Variants in OPHN1 observed in about 807,000 individuals in gnomAD.
OPHN1 encodes the protein oligophrenin 1.
In OPHN1, 11 loss-of-function variants were observed where a neutral mutation model predicts 60.7. The ratio of observed to expected loss-of-function variants is 0.18; its 90% CI spans 0.11 to 0.30. OPHN1 has a LOEUF of 0.30. Ranked by LOEUF, OPHN1 falls within the 10% of genes least tolerant of loss-of-function variation. OPHN1 has a pLI of 1.00. For missense variants in OPHN1, 449 were observed against 611.0 expected (o/e 0.73, Z 2.80); for synonymous variants, 226 against 222.6 (o/e 1.02, Z -0.14).
intron 19 of OPHN1, among the ~76,000 whole-genome samples, chrX:68,090,701 A>G (rs2147395310): frequency 9.0e-6 from 1 of 111,173 alleles, no homozygotes; most frequent in Non-Finnish European, 1.9e-5. Flanking sequence ...GAGTTCCCAC[A>G]AACTCCACAC....
intron 15 of OPHN1, among the ~76,000 whole-genome samples, chrX:68,148,937 T>C (rs1253504876): frequency 9.0e-6 from 1 of 111,541 alleles, no homozygotes; most frequent in African/African-American, 3.3e-5. Flanking sequence ...GAAAATAGAA[T>C]TATAATATTT....
chrX:68,183,624 A>G (rs2077448372), intron 15 of OPHN1, among the ~76,000 whole-genome samples: 1 of 112,013 alleles, frequency 8.9e-6, no homozygotes, highest in Admixed American at 9.4e-5. Flanking sequence ...TGCTGCCACT[A>G]GAGATTCAAA....
intron 15 of OPHN1, among the ~76,000 whole-genome samples, chrX:68,159,639 G>A (rs1029303523): frequency 2.7e-5 from 3 of 111,629 alleles, no homozygotes; most frequent in Non-Finnish European, 3.8e-5. Flanking sequence ...GTTACATAAC[G>A]TATTTAGACG....
intron 3 of OPHN1, among the ~76,000 whole-genome samples, chrX:68,298,188 T>G (rs1449453603): frequency 9.0e-6 from 1 of 111,600 alleles, no homozygotes; most frequent in African/African-American, 3.3e-5. Context: ...AACTTTTTCT[T>G]AAATGGCCAG....
chrX:68,253,427 G>A (rs193000595), intron 5 of OPHN1, among the ~76,000 whole-genome samples: 118 of 111,186 alleles, frequency 1.1e-3, no homozygotes, highest in Non-Finnish European at 2.1e-3. Flanking sequence ...TATCTCTGAA[G>A]AACTGGTGAT....
intron 6 of OPHN1, among the ~76,000 whole-genome samples, chrX:68,226,512 T>G (rs1479055346): frequency 2.7e-5 from 3 of 111,685 alleles, no homozygotes; most frequent in Non-Finnish European, 5.6e-5. Context: ...GGGAAGCCCA[T>G]CAGACTAACA....
intron 5 of OPHN1, among the ~76,000 whole-genome samples, chrX:68,259,469 T>A (rs2077882839): frequency 9.0e-6 from 1 of 110,874 alleles, no homozygotes; most frequent in African/African-American, 3.3e-5. Flanking sequence ...GATAATTGTT[T>A]AAGAAATCAT....
chrX:68,367,648 G>A (rs2078506429), intron 2 of OPHN1, among the ~76,000 whole-genome samples: 1 of 111,545 alleles, frequency 9.0e-6, no homozygotes, highest in African/African-American at 3.3e-5. Flanking sequence ...TATACTTCTT[G>A]ATATGGTTTG....
chrX:68,322,457 C>G (rs1306017620), intron 2 of OPHN1, among the ~76,000 whole-genome samples: 5 of 111,843 alleles, frequency 4.5e-5, no homozygotes, highest in African/African-American at 9.8e-5. Flanking sequence ...GTTAAACAAG[C>G]TATGATACAT....
At chrX:68,211,377 T>C (rs2077583901) in intron 8 of OPHN1, among the ~76,000 whole-genome samples, 1 of 112,606 alleles carries the variant, frequency 8.9e-6, no homozygotes, top group Non-Finnish European at 1.9e-5. Flanking sequence ...GCCTTGATTC[T>C]ATTATAGCAC....
Position 68,097,047 on chromosome X carries a change from G to A in OPHN1, c.1527-18C>T. ...CACACACACTGCCAGAAGAAAAGGG[G>A]CAAGATTAACAAAATTTGCTCCAGT... On this transcript the variant is annotated intron_variant, in intron 18 of 24. Coordinates refer to ENST00000355520, the MANE Select transcript of OPHN1 (RefSeq NM_002547.3). 8.3e-7 allele frequency: 1 copy of A among 1,198,432 alleles called. No homozygotes were observed. Among genetic ancestry groups the A allele is most frequent in the Admixed American group, 2.2e-5 (1 of 45,129 alleles).
rs374526027 is a variant in OPHN1, at chrX:68,426,770, C to G, written c.154+6097G>C. 1.1e-4 allele frequency among the ~76,000 whole-genome samples: 10 copies of G among 93,803 alleles called. No homozygotes were observed. In the East Asian group the frequency reaches 2.4e-3, roughly 23 times the overall value. The allele number at this position is 93,803 out of a possible 115,157, so 81.5% of individuals were successfully genotyped here. ...CTTGTAGTCCCAACTACTCAGGAGG[C>G]TGAGTCCGGAAGATCCTTTGAGCCC... is the stretch of plus-strand genomic sequence containing the variant. On this transcript the variant is annotated intron_variant, in intron 2 of 24. Transcript: ENST00000355520.
At chrX:68,047,487 A>C (rs2076836099) in intron 24 of OPHN1, among the ~76,000 whole-genome samples, 1 of 111,717 alleles carries the variant, frequency 9.0e-6, no homozygotes, top group Non-Finnish European at 1.9e-5. Context: ...TGGTCATACA[A>C]TAACTATAAA....
intron 2 of OPHN1, among the ~76,000 whole-genome samples, chrX:68,303,579 C>T (rs998471749): frequency 9.3e-6 from 1 of 107,465 alleles, no homozygotes; most frequent in Admixed American, 1.0e-4. Context: ...ACCCAGGAGG[C>T]GGAGGTTGCA....
chrX:68,425,134 G>T (rs1439024825), intron 2 of OPHN1, among the ~76,000 whole-genome samples: 1 of 111,517 alleles, frequency 9.0e-6, no homozygotes, highest in African/African-American at 3.3e-5. Flanking sequence ...ATCCCAAAGG[G>T]ATTAAAAGCT....
At chrX:68,315,975 T>G (rs751977954) in intron 2 of OPHN1, among the ~76,000 whole-genome samples, 1 of 110,141 alleles carries the variant, frequency 9.1e-6, no homozygotes, top group Non-Finnish European at 1.9e-5. Context: ...ATAATGACAG[T>G]CTCATAATCT....
At chrX:68,090,931 G>A (rs2077015234) in intron 19 of OPHN1, among the ~76,000 whole-genome samples, 1 of 111,321 alleles carries the variant, frequency 9.0e-6, no homozygotes. Flanking sequence ...AACACAGTTA[G>A]GCAAGATCCT....
intron 15 of OPHN1, among the ~76,000 whole-genome samples, chrX:68,191,762 A>G (rs1471557125): frequency 8.9e-6 from 1 of 112,011 alleles, no homozygotes; most frequent in African/African-American, 3.2e-5. Flanking sequence ...ATCAAAGTTT[A>G]GGAAGGTTGA....
chrX:68,163,097 T>G (rs912909025), intron 15 of OPHN1, among the ~76,000 whole-genome samples: 8 of 111,055 alleles, frequency 7.2e-5, no homozygotes, highest in African/African-American at 2.6e-4. Flanking sequence ...TTGAAAAACA[T>G]GCACCTCTCT....
Sources: allele counts gnomAD v4.1 joint callset (sites outside exome capture counted in the v4.1 genomes callset), GRCh38; gene constraint gnomAD v4.1.1; transcripts MANE v1.5; gene names NCBI Gene and HGNC (gene_info 2026-07-23, HGNC 2026-07-21).